OR6C2: variants seen among roughly 807,000 people sequenced by gnomAD.
The protein encoded by OR6C2 is olfactory receptor 6C2.
For missense variants in OR6C2, 435 were observed against 365.8 expected (o/e 1.19, Z -1.54); for synonymous variants, 146 against 134.2 (o/e 1.09, Z -0.61).
intron 1 of OR6C2, among the ~76,000 whole-genome samples, chr12:55,448,113 TTA>T (rs979022223): frequency 3.3e-5 from 5 of 152,054 alleles, no homozygotes; most frequent in African/African-American, 1.2e-4. Flanking sequence ...AAGCATCTTT[TTA>T]TATACCTTTT....
At position 55,452,764 on chromosome 12, in the gene OR6C2, A is replaced by G. The variant is rs748541157; in HGVS notation, c.551A>G (p.Lys184Arg). ...HFSCDAGPLL[K>R]ISCSDTWVIE... ...AGCTGTGATGCAGGTCCTCTCCTAA[A>G]GATCTCATGCTCAGATACATGGGTA... Residue 184 changes from lysine to arginine, a missense_variant, in exon 2 of 2, where the codon AAG (lysine) becomes AGG (arginine). Lys to Arg is a conservative substitution (Grantham distance 26). Transcript: ENST00000641202. 5.0e-6 allele frequency: 8 copies of G among 1,613,720 alleles called. No homozygotes were observed. In the South Asian group the frequency reaches 8.8e-5, roughly 18 times the overall value.
rs76608646 is a variant in OR6C2 at position 55,450,077 on chromosome 12, C to T, written c.-887-1250C>T. ...ATTTCTTCACTAAACTTACCAAGAA[C>T]CCTACATAGGCCAGATATAAGAGAA... On this transcript the variant is annotated intron_variant, in intron 1 of 1. Coordinates refer to ENST00000641202, the MANE Select transcript of OR6C2 (RefSeq NM_054105.2). 3.7e-3 allele frequency among the ~76,000 whole-genome samples: 562 copies of T among 152,096 alleles called. 20 individuals carry two copies. The East Asian group carries it at 0.083, about 22-fold the overall frequency.
At chr12:55,447,320 T>G (rs1042255072) in intron 1 of OR6C2, among the ~76,000 whole-genome samples, 11 of 130,984 alleles carry the variant, frequency 8.4e-5, no homozygotes, top group East Asian at 2.1e-4. Context: ...TTTTAGTTTT[T>G]GGGTTTTTTT....
intron 1 of OR6C2, among the ~76,000 whole-genome samples, chr12:55,447,955 A>G (rs1871393888): frequency 1.3e-5 from 2 of 152,082 alleles, no homozygotes; most frequent in African/African-American, 4.8e-5. Flanking sequence ...ATTTCTAACC[A>G]GAGTGTACAA....
rs201166947 is a variant in OR6C2 at position 55,453,005 on chromosome 12, T to A, written c.792T>A (p.Asp264Glu). 1 of 1,613,690 alleles carries A rather than the reference T, an allele frequency of 6.2e-7. No homozygotes were observed. Among genetic ancestry groups the A allele is most frequent in the Non-Finnish European group, 8.5e-7 (1 of 1,179,712 alleles). The change falls in exon 2 of 2, where the codon GAT (aspartate) becomes GAA (glutamate). Residue 264 changes from aspartate to glutamate, a missense_variant. Physicochemically the swap from Asp to Glu is conservative, Grantham distance 45. Coordinates refer to ENST00000641202, the MANE Select transcript of OR6C2 (RefSeq NM_054105.2). The stretch of plus-strand genomic sequence containing the variant: ...TCTATATCAAGCCCTCTGCAAAAGA[T>A]GAGGTGGCCATAAATAAAGGAGTTT... ...IFIYIKPSAK[D>E]EVAINKGVSV...
chr12:55,450,320 G>A (rs1429704602), intron 1 of OR6C2, among the ~76,000 whole-genome samples: 3 of 152,078 alleles, frequency 2.0e-5, no homozygotes, highest in Non-Finnish European at 2.9e-5. Context: ...CAAAAGATTA[G>A]CCTGTGCAGA....
In OR6C2 at chr12:55,451,995, A is replaced by C. The variant is rs1871482091; in HGVS notation, c.-219A>C. The C allele has an allele frequency of 2.5e-6, 1 of 403,946 alleles. No individual in the cohort carries two copies. Among genetic ancestry groups the C allele is most frequent in the Non-Finnish European group, 4.4e-6 (1 of 227,860 alleles). The allele number at this position is 403,946 out of a possible 1,614,324, so 25.0% of individuals were successfully genotyped here. On this transcript the variant is annotated 5_prime_UTR_variant, in exon 2 of 2. Coordinates refer to ENST00000641202, the MANE Select transcript of OR6C2 (RefSeq NM_054105.2). ...AGAAAAAGTTGGATTGTTTTACAAA[A>C]CTTGATTTCTTAAGGAGATATCCAC...
intron 1 of OR6C2, among the ~76,000 whole-genome samples, chr12:55,448,420 T>A (rs2120679573): frequency 6.6e-6 from 1 of 150,650 alleles, no homozygotes; most frequent in East Asian, 1.9e-4. Context: ...GAAAAAAATT[T>A]AAAAACTGTT....
At chr12:55,450,168 T>C (rs1871440658) in intron 1 of OR6C2, among the ~76,000 whole-genome samples, 2 of 152,136 alleles carry the variant, frequency 1.3e-5, no homozygotes, top group South Asian at 2.1e-4. Context: ...AATACAAGTA[T>C]AGTGAAGAGT....
chr12:55,452,968 G>T lies in OR6C2; in HGVS notation c.755G>T (p.Ser252Ile). The T allele has an allele frequency of 6.2e-7, 1 of 1,613,670 alleles. No homozygotes were observed. Among genetic ancestry groups the T allele is most frequent in the Non-Finnish European group, 8.5e-7 (1 of 1,179,750 alleles). The change falls in exon 2 of 2, where the codon AGC becomes ATC. Residue 252 changes from serine (S) to isoleucine (I), a missense_variant. Physicochemically the swap from Ser to Ile is moderately radical, Grantham distance 142. Transcript: ENST00000641202. ...ATTGTGGTTTCCATTGCCTATGGAA[G>T]CTGCATCTTCATCTATATCAAGCCC... ...HMIVVSIAYG[S>I]CIFIYIKPSA...
At chr12:55,449,657 A>G (rs1871430317) in intron 1 of OR6C2, among the ~76,000 whole-genome samples, 1 of 151,874 alleles carries the variant, frequency 6.6e-6, no homozygotes, top group Admixed American at 6.6e-5. Context: ...AAAAAAGAGG[A>G]AAACAGAGAG....
At position 55,453,125 on chromosome 12, in the gene OR6C2, G is replaced by A. The variant is rs763541826; in HGVS notation, c.912G>A (p.Lys304=). 6.2e-7 allele frequency: 1 copy of A among 1,612,486 alleles called. No homozygotes were observed. ...AACAAGCTTTCAGTGACTCTATAAA[G>A]AGGATTGCATTTCTCTCAAAGAAGT... ...QVKQAFSDSI[K]RIAFLSKK The change falls in exon 2 of 2, where the codon AAG becomes AAA. Residue 304 remains lysine (K), a synonymous_variant. Coordinates refer to ENST00000641202, the MANE Select transcript of OR6C2 (RefSeq NM_054105.2).
chr12:55,449,622 A>T (rs572272225), intron 1 of OR6C2, among the ~76,000 whole-genome samples: 253 of 152,020 alleles, frequency 1.7e-3, no homozygotes, highest in African/African-American at 5.8e-3. Context: ...ATCTTTAGAC[A>T]CATAGTAGGT....
Position 55,452,355 on chromosome 12 carries a change from T to C in OR6C2, c.142T>C (p.Leu48=), listed in dbSNP as rs142109432. 1.9e-5 allele frequency: 31 copies of C among 1,613,580 alleles called. No individual in the cohort carries two copies. In the Middle Eastern group the frequency reaches 1.2e-3, roughly 60 times the overall value. ...GAACCTGACTATTATCACCCTCACA[T>C]TGGTGGACCACCACCTTAAAACTCC... ...TGNLTIITLT[L]VDHHLKTPMY... is the part of the protein sequence containing the mutation. The change falls in exon 2 of 2, where the codon TTG becomes CTG. Residue 48 remains leucine (L), a synonymous_variant. Transcript: ENST00000641202.
rs1354521668 is a variant in OR6C2, at chr12:55,452,638, T to G, written c.425T>G (p.Leu142Ter). The change falls in exon 2 of 2, where the codon TTA becomes TGA. Residue 142 changes from leucine to a stop codon, truncating the protein, a stop_gained. Transcript: ENST00000641202. LOFTEE classifies it low-confidence loss of function (END_TRUNC). ...VIMNNRVCTL[L>*]VLCCWVAGLM... ...ATGAACAACAGGGTGTGTACCTTAT[T>G]AGTTCTCTGCTGTTGGGTGGCTGGC... is the stretch of plus-strand genomic sequence containing the variant. The G allele has an allele frequency of 1.2e-6, 2 of 1,613,722 alleles. No individual in the cohort carries two copies. The highest frequency in any genetic ancestry group is 1.7e-5 in the Admixed American group (1 of 59,924).
chr12:55,445,869 A>G (rs1365360568), intron 1 of OR6C2, among the ~76,000 whole-genome samples: 2 of 152,212 alleles, frequency 1.3e-5, no homozygotes, highest in East Asian at 1.9e-4. Context: ...TGATGTGCAT[A>G]TGAAACTCTT....
At position 55,452,382 on chromosome 12, in the gene OR6C2, A is replaced by G. The variant is rs748497507; in HGVS notation, c.169A>G (p.Met57Val). 75 of 1,613,520 alleles carry G rather than the reference A, an allele frequency of 4.6e-5. No homozygotes were observed. Among genetic ancestry groups the G allele is most frequent in the Middle Eastern group, 3.3e-4 (2 of 6,080 alleles). The change falls in exon 2 of 2, where the codon ATG (methionine) becomes GTG (valine). Residue 57 changes from methionine to valine, a missense_variant. Met to Val is a conservative substitution (Grantham distance 21, BLOSUM62 1). Coordinates refer to ENST00000641202, the MANE Select transcript of OR6C2 (RefSeq NM_054105.2). ...GGTGGACCACCACCTTAAAACTCCTATGTACTTCTTTCTCAGAAATTTTTC... is the reference window on the plus strand; with the variant it reads ...GGTGGACCACCACCTTAAAACTCCTGTGTACTTCTTTCTCAGAAATTTTTC... ...TLVDHHLKTPMYFFLRNFSFL... is the reference protein window; with the variant it reads ...TLVDHHLKTPVYFFLRNFSFL...
In OR6C2 at chr12:55,452,858, C is replaced by A. The variant is rs778400536; in HGVS notation, c.645C>A (p.Ser215=). ...LIITLVCVIL[S]YLYIVRTILK... ...TCACCCTAGTTTGTGTGATTCTGTCCTACTTGTACATAGTCAGAACAATTC... is the reference window on the plus strand; with the variant it reads ...TCACCCTAGTTTGTGTGATTCTGTCATACTTGTACATAGTCAGAACAATTC... The change falls in exon 2 of 2, where the codon TCC becomes TCA. Residue 215 remains serine (S), a synonymous_variant. Coordinates refer to ENST00000641202, the MANE Select transcript of OR6C2 (RefSeq NM_054105.2). 1 of 1,613,806 alleles carries A rather than the reference C, an allele frequency of 6.2e-7. No homozygotes were observed. Among genetic ancestry groups the A allele is most frequent in the Non-Finnish European group, 8.5e-7 (1 of 1,179,802 alleles).
intron 1 of OR6C2, among the ~76,000 whole-genome samples, chr12:55,447,381 T>C (rs1383023301): frequency 6.6e-6 from 1 of 151,828 alleles, no homozygotes; most frequent in Non-Finnish European, 1.5e-5. Context: ...GCCTTTCCAG[T>C]GCACAATAAG....
Sources: gnomAD v4.1 joint callset for allele counts (sites outside exome capture counted in the v4.1 genomes callset) on GRCh38, gnomAD v4.1.1 for gene constraint, MANE v1.5 for transcripts, NCBI Gene and HGNC (gene_info 2026-07-23, HGNC 2026-07-21) for gene names.